DOT1L: variants seen among roughly 807,000 people sequenced by gnomAD.
DOT1L encodes DOT1 like histone lysine methyltransferase.
DOT1L carries 33 observed loss-of-function variants against 153.3 expected under a neutral mutation model. The observed-to-expected ratio is 0.22, with a 90% CI of 0.16 to 0.29. DOT1L has a LOEUF of 0.29. Among genes scored for constraint, DOT1L ranks in the 10% least tolerant of loss-of-function variants. DOT1L has a pLI of 1.00. For synonymous variants in DOT1L, 1,135 were observed against 965.1 expected (o/e 1.18, Z -3.26); for missense variants, 1,847 against 2,119.9 (o/e 0.87, Z 2.53).
chr19:2,220,387 C>T lies in DOT1L; in HGVS notation c.2806+165C>T, dbSNP rs1345985701. 8 of 745,896 alleles carry T rather than the reference C, an allele frequency of 1.1e-5. No homozygotes were observed. The East Asian group carries it at 1.1e-4, about 10-fold the overall frequency. 46.2% of individuals were successfully genotyped at this position (745,896 alleles called of 1,614,324 possible). A position where few individuals can be genotyped will look rare whatever the true frequency, so the allele number is the denominator to read the frequency against. ...TACTGACACCCTTTCCTGCATCCCA[C>T]GAGCTGGGATGCGGATCGGGCTCAG... On this transcript the variant is annotated intron_variant, in intron 23 of 27. Coordinates refer to ENST00000398665, the MANE Select transcript of DOT1L (RefSeq NM_032482.3). This position sits in a 1 kb window ranked among gnomAD's most constrained non-coding sequence, Gnocchi z 4.5.
intron 1 of DOT1L, among the ~76,000 whole-genome samples, chr19:2,168,022 A>G (rs1422172569): frequency 2.0e-5 from 3 of 152,126 alleles, no homozygotes; most frequent in Non-Finnish European, 2.9e-5. Flanking sequence ...GGCGTGAACC[A>G]CCGTGCCCAG....
intron 1 of DOT1L, among the ~76,000 whole-genome samples, chr19:2,171,399 G>A (rs1271227992): frequency 6.6e-6 from 1 of 152,216 alleles, no homozygotes; most frequent in Non-Finnish European, 1.5e-5. Flanking sequence ...CCTGGCCCTG[G>A]AAGGTTCAAA....
rs772319590 is a variant in DOT1L, at chr19:2,222,426, G to A, written c.3257G>A (p.Arg1086His). The part of the protein sequence containing the change: ...VPSHGQDSRR[R>H]GRRKRASAGT... The stretch of plus-strand genomic sequence containing the variant: ...AGCCACGGGCAGGACAGTCGCAGGC[G>A]CGGCCGGCGGAAGCGAGCATCTGCG... Residue 1086 changes from arginine (R) to histidine (H), a missense_variant, in exon 24 of 28, where the codon CGC becomes CAC. By Grantham distance (29) the Arg-to-His change is conservative. Transcript: ENST00000398665. This position sits in a 1 kb window ranked among gnomAD's most constrained non-coding sequence, Gnocchi z 6.5. 3.7e-6 allele frequency: 6 copies of A among 1,609,664 alleles called. No individual in the cohort carries two copies. Among genetic ancestry groups the A allele is most frequent in the African/African-American group, 1.3e-5 (1 of 74,880 alleles).
At chr19:2,211,717 T>C in intron 15 of DOT1L, 34 bp from the exon 16 acceptor site, 1 of 1,531,866 alleles carries the variant, frequency 6.5e-7, no homozygotes, top group Non-Finnish European at 8.8e-7. Context: ...TCTCAGCTGC[T>C]CTCTTCTCAC....
At chr19:2,228,279 G>A (rs766946047) in intron 27 of DOT1L, 132 of 1,356,868 alleles carry the variant, frequency 9.7e-5, no homozygotes, top group Non-Finnish European at 1.3e-4. Context: ...GGGGCCGTCC[G>A]CGGTGTGGGT....
In DOT1L at chr19:2,222,592, C is replaced by T. The variant is rs546616803; in HGVS notation, c.3390+33C>T. Reference sequence around the variant, plus strand: ...TGGGGACCGGCAGGGCTGGGGAGCGCGGCCTGTGAAAGAAAGACCAGAGGG... The same window carrying T: ...TGGGGACCGGCAGGGCTGGGGAGCGTGGCCTGTGAAAGAAAGACCAGAGGG... On this transcript the variant is annotated intron_variant, in intron 24 of 27. Transcript: ENST00000398665. The surrounding 1 kb of genome is among the most constrained non-coding windows in gnomAD (Gnocchi z 6.5). 229 of 1,501,990 alleles carry T rather than the reference C, an allele frequency of 1.5e-4. 1 individual carries two copies. Among genetic ancestry groups the T allele is most frequent in the South Asian group, 2.7e-4 (21 of 77,568 alleles). 93.0% of individuals were successfully genotyped at this position (1,501,990 alleles called of 1,614,324 possible).
intron 7 of DOT1L, among the ~76,000 whole-genome samples, 156 bp downstream of exon 7, chr19:2,194,733 C>T (rs574142360): frequency 2.0e-5 from 3 of 151,882 alleles, no homozygotes; most frequent in Admixed American, 6.6e-5. Context: ...GCTGCCTGGG[C>T]GTGGCGTCTG....
chr19:2,179,388 C>T (rs540673536), intron 1 of DOT1L, among the ~76,000 whole-genome samples: 5 of 151,556 alleles, frequency 3.3e-5, no homozygotes, highest in South Asian at 4.2e-4. Flanking sequence ...TGAGGCTGCA[C>T]GGCTGCCTGG....
Position 2,211,852 on chromosome 19 carries a change from G to A in DOT1L, c.1557+10G>A. The A allele has an allele frequency of 6.4e-7, 1 of 1,555,076 alleles. No homozygotes were observed. Among genetic ancestry groups the A allele is most frequent in the African/African-American group, 1.4e-5 (1 of 73,506 alleles). On this transcript the variant is annotated intron_variant, in intron 16 of 27. Transcript: ENST00000398665. ...GCTGGGCCAGGAGAAGGTGGGTCCT[G>A]GCCCCCTTGGCATTCCGCCTTCCCG...
At chr19:2,211,676 T>G (rs899204635) in intron 15 of DOT1L, 75 bp from the exon 16 acceptor site, 1 of 1,346,452 alleles carries the variant, frequency 7.4e-7, no homozygotes, top group Admixed American at 2.1e-5. Flanking sequence ...GGACTCGTTC[T>G]CAAGGGCTGC....
intron 7 of DOT1L, among the ~76,000 whole-genome samples, chr19:2,195,381 C>G (rs1259391098): frequency 6.6e-6 from 1 of 152,160 alleles, no homozygotes; most frequent in Admixed American, 6.5e-5. Context: ...GTCCCAGCTG[C>G]TCAGGCGCTC....
At position 2,223,436 on chromosome 19, in the gene DOT1L, A is replaced by G. The variant is rs201405824; in HGVS notation, c.3546A>G (p.Pro1182=). 6.2e-7 allele frequency: 1 copy of G among 1,612,896 alleles called. No individual in the cohort carries two copies. Among genetic ancestry groups the G allele is most frequent in the South Asian group, 1.1e-5 (1 of 91,048 alleles). The change falls in exon 25 of 28, where the codon CCA becomes CCG. Residue 1182 remains proline, a synonymous_variant. Transcript: ENST00000398665. ...LSQTNGAHYS[P]LTSDEEPGSE... is the part of the protein sequence containing the mutation. Reference sequence around the variant, plus strand: ...AGACCAATGGGGCACACTACTCCCCACTCACCTCAGACGAGGAGCCAGGCT... The same window carrying G: ...AGACCAATGGGGCACACTACTCCCCGCTCACCTCAGACGAGGAGCCAGGCT...
intron 24 of DOT1L, among the ~76,000 whole-genome samples, chr19:2,223,058 T>G: frequency 6.9e-6 from 1 of 145,232 alleles, no homozygotes; most frequent in African/African-American, 2.6e-5. Flanking sequence ...GCCTTAGTGG[T>G]GGTGGGCACA....
chr19:2,164,014 C>A lies in DOT1L; in HGVS notation c.-171C>A. On this transcript the variant is annotated 5_prime_UTR_variant, in exon 1 of 28. Coordinates refer to ENST00000398665, the MANE Select transcript of DOT1L (RefSeq NM_032482.3). ...GTGACTACAAAGAGGGAGTCGGGGG[C>A]CGGGCCGGACCGGAGCGCGGCGGCG... The A allele has an allele frequency of 4.0e-6, 1 of 251,336 alleles. No individual in the cohort carries two copies. Among genetic ancestry groups the A allele is most frequent in the Non-Finnish European group, 6.7e-6 (1 of 148,248 alleles). 15.6% of individuals were successfully genotyped at this position (251,336 alleles called of 1,614,324 possible).
intron 7 of DOT1L, among the ~76,000 whole-genome samples, chr19:2,198,057 G>C (rs72985463): frequency 0.029 from 4,487 of 152,318 alleles, 90 homozygotes; most frequent in Middle Eastern, 0.088. Flanking sequence ...TCAGACTCCA[G>C]AGGGAAGCAG....
Position 2,164,172 on chromosome 19 carries a change from C to A in DOT1L, c.-13C>A. ...CGCCCGCCTAGCATGGTGCGGCGGC[C>A]GCGCGCGCGGACATGGGGGAGAAGC... On this transcript the variant is annotated 5_prime_UTR_variant, in exon 1 of 28. Coordinates refer to ENST00000398665, the MANE Select transcript of DOT1L (RefSeq NM_032482.3). 3 of 1,158,866 alleles carry A rather than the reference C, an allele frequency of 2.6e-6. No individual in the cohort carries two copies. The highest frequency in any genetic ancestry group is 4.0e-5 in the South Asian group (1 of 24,774). 71.8% of individuals were successfully genotyped at this position (1,158,866 alleles called of 1,614,324 possible).
chr19:2,196,560 T>C (rs1429150543), intron 7 of DOT1L, among the ~76,000 whole-genome samples: 1 of 152,208 alleles, frequency 6.6e-6, no homozygotes, highest in East Asian at 1.9e-4. Context: ...CTCAAATTCC[T>C]GACCTCGTGA....
chr19:2,202,842 G>T (rs1029264713), intron 9 of DOT1L, 63 bp downstream of exon 9: 3 of 1,565,226 alleles, frequency 1.9e-6, no homozygotes, highest in Non-Finnish European at 2.6e-6. Context: ...TGGCCAGGAG[G>T]TCCCCGCAGG....
Position 2,222,445 on chromosome 19 carries a change from A to G in DOT1L, c.3276A>G (p.Ala1092=), listed in dbSNP as rs1232934761. Residue 1092 remains alanine (A), a synonymous_variant, in exon 24 of 28, where the codon GCA becomes GCG. Transcript: ENST00000398665. This position sits in a 1 kb window ranked among gnomAD's most constrained non-coding sequence, Gnocchi z 6.5. ...DSRRRGRRKR[A]SAGTPSLSAG... ...GCAGGCGCGGCCGGCGGAAGCGAGC[A>G]TCTGCGGGGACGCCCAGCTTGAGCG... 1 of 1,608,746 alleles carries G rather than the reference A, an allele frequency of 6.2e-7. No homozygotes were observed. The highest frequency in any genetic ancestry group is 8.5e-7 in the Non-Finnish European group (1 of 1,178,676).
Sources: gnomAD v4.1 joint callset for allele counts (sites outside exome capture counted in the v4.1 genomes callset) on GRCh38, gnomAD v4.1.1 for gene constraint, Gnocchi (gnomAD v3.1) non-coding constraint, MANE v1.5 for transcripts, NCBI Gene and HGNC (gene_info 2026-07-23, HGNC 2026-07-21) for gene names.